Variants in PLCH1 observed in about 807,000 individuals in gnomAD.
PLCH1 encodes phospholipase C eta 1, also known as 1-phosphatidylinositol 4,5-bisphosphate phosphodiesterase eta-1.
PLCH1 carries 60 observed loss-of-function variants against 126.7 expected under a neutral mutation model. The ratio of observed to expected loss-of-function variants is 0.47; its 90% CI spans 0.38 to 0.59. The LOEUF is 0.59. Ranked by LOEUF, PLCH1 falls within the 20% of genes least tolerant of loss-of-function variation. The probability of loss-of-function intolerance (pLI) is 0.00; values close to 1 mark genes in which losing one functional copy is unlikely to be tolerated. For synonymous variants in PLCH1, 719 were observed against 734.9 expected, an observed-to-expected ratio of 0.98 and a Z score of 0.35; for missense variants, 1,723 against 2,040.0, an observed-to-expected ratio of 0.84 and a Z score of 2.99.
chr3:155,583,444 A>C (rs1730962498), intron 6 of PLCH1, 28 bp downstream of exon 6: 2 of 1,534,598 alleles, frequency 1.3e-6, no homozygotes, highest in Non-Finnish European at 1.8e-6. Context: ...CTTTTAAGTA[A>C]ACTTTCATTT....
chr3:155,553,156 C>A (rs1208679274), intron 9 of PLCH1, among the ~76,000 whole-genome samples: 1 of 152,038 alleles, frequency 6.6e-6, no homozygotes, highest in Admixed American at 6.6e-5. Flanking sequence ...ACTCTGTCAC[C>A]CAGGCTGGAG....
chr3:155,584,618 C>T (rs1731123257), intron 5 of PLCH1, among the ~76,000 whole-genome samples: 1 of 152,108 alleles, frequency 6.6e-6, no homozygotes, highest in Non-Finnish European at 1.5e-5. Context: ...GAACACAATT[C>T]TAAGTAAACA....
At chr3:155,487,808 G>A (rs1221154487) in intron 21 of PLCH1, among the ~76,000 whole-genome samples, 1 of 152,168 alleles carries the variant, frequency 6.6e-6, no homozygotes, top group African/African-American at 2.4e-5. Flanking sequence ...CCCAGAGAGG[G>A]CCCCTGTATA....
chr3:155,655,427 G>T, intron 2 of PLCH1, among the ~76,000 whole-genome samples: 1 of 130,978 alleles, frequency 7.6e-6, no homozygotes, highest in East Asian at 3.4e-4. Flanking sequence ...CAAGAAACTT[G>T]TGAGAAAAAA....
chr3:155,654,942 T>C (rs1206152044), intron 2 of PLCH1, among the ~76,000 whole-genome samples: 2 of 152,190 alleles, frequency 1.3e-5, no homozygotes, highest in Admixed American at 1.3e-4. Context: ...CTTTGTATCA[T>C]CGACTTTGCT....
chr3:155,728,197 CG>C (rs1748488068), intron 1 of PLCH1, among the ~76,000 whole-genome samples: 1 of 151,916 alleles, frequency 6.6e-6, no homozygotes, highest in Non-Finnish European at 1.5e-5. Context: ...ATGGTATCAG[CG>C]GGGGGCGAGG....
intron 2 of PLCH1, among the ~76,000 whole-genome samples, chr3:155,627,633 C>CTAA (rs1737480020): frequency 1.1e-5 from 1 of 92,240 alleles, no homozygotes; most frequent in Admixed American, 1.2e-4. Context: ...GACTCCACCT[C>CTAA]AAAAAAAAAA....
intron 2 of PLCH1, among the ~76,000 whole-genome samples, chr3:155,692,514 A>G (rs1745468781): frequency 6.6e-6 from 1 of 152,034 alleles, no homozygotes; most frequent in African/African-American, 2.4e-5. Flanking sequence ...TGTTCCAGAG[A>G]TGATTTACCT....
intron 5 of PLCH1, among the ~76,000 whole-genome samples, chr3:155,584,051 T>G (rs1276453113): frequency 2.0e-5 from 3 of 151,952 alleles, no homozygotes; most frequent in African/African-American, 7.2e-5. Context: ...AGAGCAAAGA[T>G]TTTAAAAAGA....
chr3:155,675,318 T>C (rs1216220691), intron 2 of PLCH1, among the ~76,000 whole-genome samples: 3 of 152,196 alleles, frequency 2.0e-5, no homozygotes, highest in African/African-American at 7.2e-5. Flanking sequence ...ATTTATTCTG[T>C]CTGACCAGGA....
intron 1 of PLCH1, among the ~76,000 whole-genome samples, chr3:155,709,029 C>T (rs1363724079): frequency 6.6e-6 from 1 of 152,186 alleles, no homozygotes; most frequent in Non-Finnish European, 1.5e-5. Context: ...GTTGGAATCA[C>T]ACAGTACATA....
intron 21 of PLCH1, among the ~76,000 whole-genome samples, chr3:155,473,608 G>C (rs1345436733): frequency 5.3e-5 from 8 of 151,730 alleles, no homozygotes; most frequent in Non-Finnish European, 1.5e-5. Flanking sequence ...AAAAGAGCCC[G>C]CATCGCCAAG....
intron 2 of PLCH1, among the ~76,000 whole-genome samples, chr3:155,645,169 A>G (rs939511119): frequency 1.3e-5 from 2 of 152,166 alleles, no homozygotes; most frequent in Admixed American, 1.3e-4. Flanking sequence ...TGAACTCAGT[A>G]TGTCTAAAAC....
intron 10 of PLCH1, among the ~76,000 whole-genome samples, chr3:155,542,882 A>G (rs1724567402): frequency 1.3e-5 from 2 of 152,130 alleles, no homozygotes; most frequent in South Asian, 4.1e-4. Context: ...CCAAAAACCC[A>G]TCTGTACATC....
At chr3:155,659,633 G>C (rs945139002) in intron 2 of PLCH1, among the ~76,000 whole-genome samples, 1 of 151,824 alleles carries the variant, frequency 6.6e-6, no homozygotes, top group East Asian at 1.9e-4. Flanking sequence ...CGAGTAGCTG[G>C]GATGACAGGC....
At chr3:155,585,251 T>C (rs538142610) in intron 5 of PLCH1, among the ~76,000 whole-genome samples, 1 of 152,286 alleles carries the variant, frequency 6.6e-6, no homozygotes, top group Admixed American at 6.5e-5. Context: ...GTCTCTGCTC[T>C]TACCACCTCT....
chr3:155,481,384 C>G lies in PLCH1; in HGVS notation c.4642G>C (p.Asp1548His). The change falls in exon 23 of 23, where the codon GAC becomes CAC. Residue 1548 changes from aspartate to histidine, a missense_variant. Around this residue, in one of 2 missense-constraint regions of PLCH1, gnomAD observed 947 missense variants for 977.1 expected, o/e 0.97. Transcript: ENST00000460012. The surrounding 1 kb of genome is among the most constrained non-coding windows in gnomAD (Gnocchi z 4.2). Reference sequence around the variant, plus strand: ...TTTGAATATAGCACTTGGCAGTTGTCTTCCTGGTCAAAGGACACAAGCTTC... The same window carrying G: ...TTTGAATATAGCACTTGGCAGTTGTGTTCCTGGTCAAAGGACACAAGCTTC... Reference protein sequence around the residue: ...LRKLVSFDQEDNCQVLYSKQD... With the variant: ...LRKLVSFDQEHNCQVLYSKQD... 6.2e-7 allele frequency: 1 copy of G among 1,614,236 alleles called. No homozygotes were observed. Among genetic ancestry groups the G allele is most frequent in the African/African-American group, 1.3e-5 (1 of 75,064 alleles).
chr3:155,696,535 T>C lies in PLCH1; in HGVS notation c.79+7611A>G, dbSNP rs1490768736. On this transcript the variant is annotated intron_variant, in intron 2 of 22. Coordinates refer to ENST00000460012, the MANE Select transcript of PLCH1 (RefSeq NM_014996.4). ...ATTAGAAACAGAGTGGGAAAGACAA[T>C]TGGGAAAATGAGAGAGCAGAGGAAA... Among the ~76,000 whole-genome samples the C allele has an allele frequency of 2.6e-5, 4 of 152,076 alleles. No individual in the cohort carries two copies. The South Asian group carries it at 6.2e-4, about 24-fold the overall frequency.
intron 12 of PLCH1, among the ~76,000 whole-genome samples, chr3:155,506,588 T>A (rs1341684442): frequency 2.3e-5 from 3 of 132,316 alleles, no homozygotes; most frequent in Non-Finnish European, 4.7e-5. Context: ...CACCTATGAG[T>A]GAGAATATGC....
Sources: gnomAD v4.1 joint callset for allele counts (sites outside exome capture counted in the v4.1 genomes callset) on GRCh38, gnomAD v4.1.1 for gene constraint, gnomAD v4.1.1 regional missense constraint, Gnocchi (gnomAD v3.1) non-coding constraint, MANE v1.5 for transcripts, NCBI Gene and HGNC (gene_info 2026-07-23, HGNC 2026-07-21) for gene names.